Variants in DIP2A observed in about 807,000 individuals in gnomAD.
The protein encoded by DIP2A is disco-interacting protein 2 homolog A.
In DIP2A, 85 loss-of-function variants were observed where a neutral mutation model predicts 177.4. That is an observed-to-expected ratio of 0.48 (90% CI 0.40 to 0.57). DIP2A has a LOEUF of 0.57. DIP2A is among the 20% of genes least tolerant of loss of function. The probability of loss-of-function intolerance (pLI) is 0.00; values close to 1 mark genes in which losing one functional copy is unlikely to be tolerated. For synonymous variants in DIP2A, 886 were observed against 881.8 expected (o/e 1.00, Z -0.08); for missense variants, 1,791 against 2,100.2 (o/e 0.85, Z 2.88).
chr21:46,538,455 G>C (rs1437042163), intron 15 of DIP2A, 28 bp from the exon 16 acceptor site: 16 of 1,538,996 alleles, frequency 1.0e-5, no homozygotes, highest in Non-Finnish European at 1.4e-5. Context: ...TGTGACGCAG[G>C]GATGTCTGTG....
chr21:46,489,790 G>A (rs1458860212), intron 2 of DIP2A, among the ~76,000 whole-genome samples: 3 of 151,652 alleles, frequency 2.0e-5, no homozygotes, highest in Non-Finnish European at 4.4e-5. Context: ...GCTTTGTGCT[G>A]TCTGCAAATG....
intron 1 of DIP2A, among the ~76,000 whole-genome samples, chr21:46,467,766 T>G (rs1327218801): frequency 6.6e-6 from 1 of 152,050 alleles, no homozygotes; most frequent in South Asian, 2.1e-4. Flanking sequence ...CATAGTAAAT[T>G]ATCCCAGTAC....
intron 10 of DIP2A, among the ~76,000 whole-genome samples, chr21:46,533,200 A>C (rs1434869183): frequency 6.6e-6 from 1 of 152,254 alleles, no homozygotes. Flanking sequence ...TAGAAATTTC[A>C]ATGCCATTAA....
rs1195444680 is a variant in DIP2A at position 46,569,006 on chromosome 21, CAAAGA to C, written c.*1386_*1390del. ...ATCTAAAATTATACAGAACCTAAAT[CAAAGA>C]AGAGAATGTAAAGTCCTTTAGTTAC... On this transcript the variant is annotated 3_prime_UTR_variant, in exon 38 of 38. Transcript: ENST00000417564. 1 of 152,134 alleles carries C rather than the reference CAAAGA, an allele frequency of 6.6e-6. No individual in the cohort carries two copies. The highest frequency in any genetic ancestry group is 1.5e-5 in the Non-Finnish European group (1 of 68,014). The allele number at this position is 152,134 out of a possible 1,614,324, so 9.4% of individuals were successfully genotyped here.
At chr21:46,464,670 A>C (rs1158170254) in intron 1 of DIP2A, among the ~76,000 whole-genome samples, 33 of 152,108 alleles carry the variant, frequency 2.2e-4, no homozygotes, top group Admixed American at 2.2e-3. Context: ...AGGGGGCCAA[A>C]ATCATCCTTT....
At position 46,556,380 on chromosome 21, in the gene DIP2A, A is replaced by G. The variant is rs1410686495; in HGVS notation, c.3498+289A>G. ...GAATCTCTTACCTTGCTGGGAGTCA[A>G]TAGCTCAATTAAAATTTTTCAGGCG... On this transcript the variant is annotated intron_variant, in intron 29 of 37. Coordinates refer to ENST00000417564, the MANE Select transcript of DIP2A (RefSeq NM_015151.4). This position sits in a 1 kb window ranked among gnomAD's most constrained non-coding sequence, Gnocchi z 4.5. 28 of 1,386,272 alleles carry G rather than the reference A, an allele frequency of 2.0e-5. No individual in the cohort carries two copies. In the East Asian group the frequency reaches 6.7e-4, roughly 33 times the overall value. The allele number at this position is 1,386,272 out of a possible 1,614,324, so 85.9% of individuals were successfully genotyped here.
intron 18 of DIP2A, among the ~76,000 whole-genome samples, chr21:46,544,805 C>T (rs1166518389): frequency 2.0e-5 from 3 of 152,088 alleles, no homozygotes; most frequent in African/African-American, 4.8e-5. Context: ...AGCAGCACCC[C>T]ATGTGGACCC....
intron 16 of DIP2A, chr21:46,539,633 A>G (rs773780757): frequency 4.5e-5 from 23 of 515,686 alleles, no homozygotes; most frequent in Non-Finnish European, 7.8e-5. Flanking sequence ...TCCTGTCCCT[A>G]GTGATGCCCC....
intron 12 of DIP2A, among the ~76,000 whole-genome samples, chr21:46,534,331 G>A (rs1005774737): frequency 6.6e-6 from 1 of 152,240 alleles, no homozygotes; most frequent in Non-Finnish European, 1.5e-5. Flanking sequence ...GGCTCCCTGG[G>A]GATGCAGACA....
chr21:46,534,467 C>T (rs2059480377), intron 12 of DIP2A, 118 bp from the exon 13 acceptor site: 8 of 991,126 alleles, frequency 8.1e-6, no homozygotes, highest in East Asian at 2.6e-5. Flanking sequence ...GGTTAGAGGC[C>T]GATGGTTAGA....
chr21:46,561,264 C>T (rs1312559817), intron 33 of DIP2A: 2 of 265,718 alleles, frequency 7.5e-6, no homozygotes, highest in African/African-American at 2.3e-5. Context: ...CTGGCAAGAA[C>T]GTTTCTTACC....
intron 1 of DIP2A, 26 bp from the exon 2 acceptor site, chr21:46,484,731 A>G (rs376424644): frequency 1.0e-5 from 16 of 1,528,420 alleles, no homozygotes; most frequent in African/African-American, 1.4e-5. Context: ...GAAGAAATGC[A>G]ATTCTTTTTT....
At chr21:46,515,529 C>T (rs898001558) in intron 8 of DIP2A, among the ~76,000 whole-genome samples, 1 of 151,694 alleles carries the variant, frequency 6.6e-6, no homozygotes, top group Non-Finnish European at 1.5e-5. Context: ...ATATTACTAC[C>T]ATTGTGTGTA....
chr21:46,553,321 G>C (rs1372229031), intron 25 of DIP2A: 1 of 152,210 alleles, frequency 6.6e-6, no homozygotes, highest in Non-Finnish European at 1.5e-5. Context: ...AGGGAGTTTT[G>C]ATGTTACACT....
intron 18 of DIP2A, 55 bp downstream of exon 18, chr21:46,541,950 AG>A: frequency 6.2e-7 from 1 of 1,609,236 alleles, no homozygotes; most frequent in Non-Finnish European, 8.5e-7. Context: ...GGTAACGAAA[AG>A]GGTTTTGTTT....
At chr21:46,551,296 A>G (rs1454023040) in intron 23 of DIP2A, among the ~76,000 whole-genome samples, 2 of 152,228 alleles carry the variant, frequency 1.3e-5, no homozygotes, top group Non-Finnish European at 2.9e-5. Context: ...CATATCACTA[A>G]ATACATTTCA....
chr21:46,543,545 C>T (rs1346224142), intron 18 of DIP2A, among the ~76,000 whole-genome samples: 1 of 152,110 alleles, frequency 6.6e-6, no homozygotes, highest in African/African-American at 2.4e-5. Context: ...CAAAGCGCTC[C>T]CCCAGGCACT....
At chr21:46,565,995 A>AT (rs1390594195) in intron 36 of DIP2A, 108 bp downstream of exon 36, 1 of 1,308,778 alleles carries the variant, frequency 7.6e-7, no homozygotes, top group East Asian at 2.3e-5. Flanking sequence ...GTGGTCTGGT[A>AT]TTGCTCCTTG....
rs71187318 is a variant in DIP2A at position 46,466,342 on chromosome 21, CTTTTTTTT to C, written c.91+7137_91+7144del. On this transcript the variant is annotated intron_variant, in intron 1 of 37. Coordinates refer to ENST00000417564, the MANE Select transcript of DIP2A (RefSeq NM_015151.4). ...AAGAGTTATAGATTCTACATTATAA[CTTTTTTTT>C]TTTTTTTTTTTTTTTTGAGATGGAG... Among the ~76,000 whole-genome samples, 598 of 89,632 alleles carry C rather than the reference CTTTTTTTT, an allele frequency of 6.7e-3. 5 individuals carry two copies. The highest frequency in any genetic ancestry group is 0.017 in the Middle Eastern group (3 of 174). The allele number at this position is 89,632 out of a possible 152,430, so 58.8% of individuals were successfully genotyped here.
Sources: gnomAD v4.1 joint callset for allele counts (sites outside exome capture counted in the v4.1 genomes callset) on GRCh38, gnomAD v4.1.1 for gene constraint, Gnocchi (gnomAD v3.1) non-coding constraint, MANE v1.5 for transcripts, NCBI Gene and HGNC (gene_info 2026-07-23, HGNC 2026-07-21) for gene names.